Variants in MPDZ observed in about 807,000 individuals in gnomAD.
MPDZ encodes multiple PDZ domain crumbs cell polarity complex component.
In MPDZ, 234 loss-of-function variants were observed where a neutral mutation model predicts 239.1. The observed-to-expected ratio is 0.98, with a 90% CI of 0.88 to 1.09. The LOEUF is 1.09. MPDZ is among the 50% of genes least tolerant of loss of function. The pLI, the probability that MPDZ is intolerant of heterozygous loss-of-function variation, is 0.00. For synonymous variants in MPDZ, 1,048 were observed against 881.3 expected, an observed-to-expected ratio of 1.19 and a Z score of -3.35; for missense variants, 3,175 against 2,510.0, an observed-to-expected ratio of 1.26 and a Z score of -5.66.
At chr9:13,223,145 C>T (rs947996003) in intron 5 of MPDZ, among the ~76,000 whole-genome samples, 2 of 151,906 alleles carry the variant, frequency 1.3e-5, no homozygotes, top group African/African-American at 4.8e-5. Context: ...TGAGCACCTG[C>T]AGATTTTAGT....
chr9:13,168,352 C>A lies in MPDZ; in HGVS notation c.3254+14G>T. 1.9e-6 allele frequency: 3 copies of A among 1,606,574 alleles called. No homozygotes were observed. The highest frequency in any genetic ancestry group is 1.7e-6 in the Non-Finnish European group (2 of 1,176,430). On this transcript the variant is annotated intron_variant, in intron 22 of 46. Coordinates refer to ENST00000319217, the MANE Select transcript of MPDZ (RefSeq NM_001378778.1). ...GAATTTCCCAAGTTAAACTGGGCTT[C>A]AAATGATACTTACTTTATGTCAGGG...
At chr9:13,110,225 A>C (rs2131064908) in intron 44 of MPDZ, among the ~76,000 whole-genome samples, 161 bp from the exon 45 acceptor site, 1 of 152,376 alleles carries the variant, frequency 6.6e-6, no homozygotes, top group Admixed American at 6.5e-5. Flanking sequence ...AAATTTCACA[A>C]GGTCCAGAGG....
chr9:13,113,182 G>C (rs891614943), intron 41 of MPDZ, 128 bp from the exon 42 acceptor site: 14 of 722,670 alleles, frequency 1.9e-5, no homozygotes, highest in Middle Eastern at 7.2e-4. Flanking sequence ...GGTGCTCAAA[G>C]CTGCTAGTAC....
chr9:13,251,350 A>G (rs1251360333), intron 1 of MPDZ, among the ~76,000 whole-genome samples: 2 of 152,086 alleles, frequency 1.3e-5, no homozygotes, highest in Non-Finnish European at 2.9e-5. Context: ...AACTCCTTCA[A>G]TCCACACATC....
At chr9:13,186,462 G>T in intron 17 of MPDZ, 76 bp from the exon 18 acceptor site, 2 of 1,069,646 alleles carry the variant, frequency 1.9e-6, no homozygotes, top group Non-Finnish European at 2.8e-6. Context: ...GAAGAGTAAA[G>T]GTAGGAAAAG....
intron 10 of MPDZ, among the ~76,000 whole-genome samples, chr9:13,212,578 G>C (rs1374398916): frequency 6.6e-6 from 1 of 151,702 alleles, no homozygotes; most frequent in African/African-American, 2.4e-5. Flanking sequence ...TATCACAAGA[G>C]AGTCAAGAAG....
chr9:13,220,325 G>T (rs978374446), intron 7 of MPDZ, among the ~76,000 whole-genome samples: 1 of 151,968 alleles, frequency 6.6e-6, no homozygotes, highest in African/African-American at 2.4e-5. Context: ...TACACATGCA[G>T]TCCATTAACT....
At chr9:13,188,444 G>A (rs1410458020) in intron 17 of MPDZ, among the ~76,000 whole-genome samples, 1 of 152,034 alleles carries the variant, frequency 6.6e-6, no homozygotes, top group Non-Finnish European at 1.5e-5. Flanking sequence ...CTTGAATCTA[G>A]GAGGTGGAGA....
chr9:13,116,616 A>G (rs962035087), intron 39 of MPDZ, among the ~76,000 whole-genome samples: 6 of 152,290 alleles, frequency 3.9e-5, no homozygotes, highest in Admixed American at 3.9e-4. Flanking sequence ...TTCAGTTTAC[A>G]TAACTGTAAG....
chr9:13,242,179 T>C (rs145646969), intron 3 of MPDZ, among the ~76,000 whole-genome samples: 3 of 151,400 alleles, frequency 2.0e-5, no homozygotes, highest in Non-Finnish European at 4.4e-5. Flanking sequence ...TATCAAAATG[T>C]CATTAAAACC....
chr9:13,237,951 T>C lies in MPDZ; in HGVS notation c.183+9684A>G, dbSNP rs553907911. 2.6e-4 allele frequency among the ~76,000 whole-genome samples: 40 copies of C among 152,286 alleles called. 3 individuals carry two copies. Among genetic ancestry groups the C allele is most frequent in the South Asian group, 1.9e-3 (9 of 4,830 alleles). On this transcript the variant is annotated intron_variant, in intron 3 of 46. Transcript: ENST00000319217. ...GTTAAAAAAAATTCAAAGAGCAAGA[T>C]AGACAAATAGATTTTCCTGTAGTAG...
intron 1 of MPDZ, among the ~76,000 whole-genome samples, chr9:13,270,276 A>G (rs2139225272): frequency 6.6e-6 from 1 of 152,364 alleles, no homozygotes; most frequent in African/African-American, 2.4e-5. Flanking sequence ...CACTTCAATT[A>G]AGTGATCAGA....
At chr9:13,109,921 A>G in intron 45 of MPDZ, 31 bp downstream of exon 45, 1 of 1,548,464 alleles carries the variant, frequency 6.5e-7, no homozygotes, top group Non-Finnish European at 8.9e-7. Context: ...TAAGTGAAAA[A>G]TGATACACTA....
At chr9:13,173,538 A>G (rs1310252760) in intron 21 of MPDZ, among the ~76,000 whole-genome samples, 1 of 151,948 alleles carries the variant, frequency 6.6e-6, no homozygotes, top group African/African-American at 2.4e-5. Context: ...CCCCATCTCT[A>G]CTAAAACACA....
rs552980438 is a variant in MPDZ, at chr9:13,115,862, G to A, written c.5380-528C>T. ...CAGGAGGCTGAGGCAGAAGAATGGC[G>A]TGAACCTGGGAGGCGGAGCTTGCAG... is the stretch of plus-strand genomic sequence containing the variant. On this transcript the variant is annotated intron_variant, in intron 39 of 46. Coordinates refer to ENST00000319217, the MANE Select transcript of MPDZ (RefSeq NM_001378778.1). 1.8e-4 allele frequency among the ~76,000 whole-genome samples: 27 copies of A among 149,414 alleles called. No individual in the cohort carries two copies. The South Asian group carries it at 4.3e-3, about 24-fold the overall frequency.
intron 28 of MPDZ, 104 bp downstream of exon 28, chr9:13,139,883 C>G (rs767363308): frequency 5.2e-5 from 70 of 1,340,022 alleles, no homozygotes; most frequent in Non-Finnish European, 7.3e-5. Flanking sequence ...CAGTATATAT[C>G]ACAAAGCTGC....
chr9:13,133,118 G>A (rs1307832549), intron 32 of MPDZ, among the ~76,000 whole-genome samples: 1 of 151,892 alleles, frequency 6.6e-6, no homozygotes, highest in African/African-American at 2.4e-5. Flanking sequence ...CAAATTATAG[G>A]GAAATGACTG....
intron 45 of MPDZ, among the ~76,000 whole-genome samples, chr9:13,109,547 G>T (rs184691399): frequency 6.6e-6 from 1 of 152,162 alleles, no homozygotes; most frequent in East Asian, 1.9e-4. Context: ...TCCAAGTATT[G>T]TTACTTAATA....
chr9:13,201,439 T>A (rs559225943), intron 12 of MPDZ, among the ~76,000 whole-genome samples: 1 of 152,028 alleles, frequency 6.6e-6, no homozygotes, highest in East Asian at 1.9e-4. Context: ...CCTCTAAGCC[T>A]GTAGCTGGAT....
Sources: gnomAD v4.1 joint callset for allele counts (sites outside exome capture counted in the v4.1 genomes callset) on GRCh38, gnomAD v4.1.1 for gene constraint, MANE v1.5 for transcripts, NCBI Gene and HGNC (gene_info 2026-07-23, HGNC 2026-07-21) for gene names.